The following GDNF variants were observed in gnomAD, a reference collection of about 807,000 sequenced individuals.
The protein encoded by GDNF is glial cell derived neurotrophic factor.
A neutral mutation model predicts 13.7 loss-of-function variants in GDNF; 5 were observed. The observed-to-expected ratio is 0.36, with a 90% CI of 0.19 to 0.77. The LOEUF is 0.77. Among genes scored for constraint, GDNF ranks in the 30% least tolerant of loss-of-function variants. The pLI is 0.51. For synonymous variants in GDNF, 122 were observed against 112.5 expected (o/e 1.08, Z -0.53); for missense variants, 246 against 274.3 (o/e 0.90, Z 0.73).
At chr5:37,824,744 G>A (rs938277900) in intron 2 of GDNF, among the ~76,000 whole-genome samples, 11 of 152,126 alleles carry the variant, frequency 7.2e-5, no homozygotes, top group African/African-American at 1.7e-4. Flanking sequence ...TTGGTAGACC[G>A]TCCTGATCAT....
intron 2 of GDNF, among the ~76,000 whole-genome samples, chr5:37,833,835 A>T (rs1021564290): frequency 2.0e-5 from 3 of 152,176 alleles, no homozygotes; most frequent in African/African-American, 7.2e-5. Flanking sequence ...CTCTCACTTC[A>T]TGCAACAAGC....
At chr5:37,835,404 C>G in intron 1 of GDNF, 1 of 1,399,314 alleles carries the variant, frequency 7.1e-7, no homozygotes, top group Non-Finnish European at 9.3e-7. Context: ...CCCAGCCTGC[C>G]GCCCACACCT....
chr5:37,824,069 A>G (rs1437572643), intron 2 of GDNF: 11 of 981,410 alleles, frequency 1.1e-5, no homozygotes, highest in Admixed American at 6.2e-5. Flanking sequence ...CTCTTAAATC[A>G]TCAAGTCATC....
intron 2 of GDNF, among the ~76,000 whole-genome samples, chr5:37,817,337 G>A (rs1749969267): frequency 6.6e-6 from 1 of 152,126 alleles, no homozygotes; most frequent in Non-Finnish European, 1.5e-5. Context: ...TGGGTAGTAG[G>A]CCTCTTATGC....
At chr5:37,828,494 T>A (rs1397268375) in intron 2 of GDNF, among the ~76,000 whole-genome samples, 1 of 152,242 alleles carries the variant, frequency 6.6e-6, no homozygotes, top group Non-Finnish European at 1.5e-5. Context: ...TTAATTTTCC[T>A]GGAAATCTGT....
chr5:37,833,621 G>A (rs181555436), intron 2 of GDNF, among the ~76,000 whole-genome samples: 145 of 152,188 alleles, frequency 9.5e-4, no homozygotes, highest in Middle Eastern at 3.4e-3. Flanking sequence ...TACTACTGTG[G>A]TTATGACCAT....
Position 37,813,212 on chromosome 5 carries a change from G to A in GDNF, c.*2439C>T, listed in dbSNP as rs955342514. The A allele has an allele frequency of 3.3e-5, 5 of 152,228 alleles. No homozygotes were observed. Among genetic ancestry groups the A allele is most frequent in the African/African-American group, 1.2e-4 (5 of 41,448 alleles). 9.4% of individuals were successfully genotyped at this position (152,228 alleles called of 1,614,324 possible). A position where few individuals can be genotyped will look rare whatever the true frequency, so the allele number is the denominator to read the frequency against. On this transcript the variant is annotated 3_prime_UTR_variant, in exon 3 of 3. Coordinates refer to ENST00000326524, the MANE Select transcript of GDNF (RefSeq NM_000514.4). ...AAGGCCTTTCCTCCATTTCCCAGGC[G>A]AGCAAGGGGAGCAGAAAGGACAGAG...
Position 37,814,605 on chromosome 5 carries a change from C to T in GDNF, c.*1046G>A, listed in dbSNP as rs1749844341. ...TCTTTGCATTTTGCGAGCACATATA[C>T]TTTGGCACCTTTGAAAAGAAACTTT... On this transcript the variant is annotated 3_prime_UTR_variant, in exon 3 of 3. Transcript: ENST00000326524. 6.6e-6 allele frequency: 1 copy of T among 152,140 alleles called. No homozygotes were observed. Among genetic ancestry groups the T allele is most frequent in the African/African-American group, 2.4e-5 (1 of 41,426 alleles). 9.4% of individuals were successfully genotyped at this position (152,140 alleles called of 1,614,324 possible).
chr5:37,822,499 G>A (rs1104682), intron 2 of GDNF, among the ~76,000 whole-genome samples: 18,315 of 152,242 alleles, frequency 0.12, 1,334 homozygotes, highest in East Asian at 0.22. Flanking sequence ...GCAGGATGCT[G>A]AGGATGAGGC....
chr5:37,827,567 T>C (rs1750372469), intron 2 of GDNF, among the ~76,000 whole-genome samples: 1 of 152,178 alleles, frequency 6.6e-6, no homozygotes, highest in Non-Finnish European at 1.5e-5. Flanking sequence ...TATTTCCTCC[T>C]GGCCAGGCCC....
intron 2 of GDNF, among the ~76,000 whole-genome samples, chr5:37,821,275 G>C (rs756134960): frequency 1.2e-4 from 19 of 152,162 alleles, no homozygotes; most frequent in Admixed American, 3.3e-4. Flanking sequence ...TGAGCTGAGG[G>C]AAAAGAAGAG....
intron 2 of GDNF, among the ~76,000 whole-genome samples, chr5:37,826,258 T>G (rs1169783898): frequency 6.6e-5 from 10 of 152,220 alleles, no homozygotes; most frequent in African/African-American, 4.8e-5. Flanking sequence ...CAGTTCCTGG[T>G]CCACAGAAAG....
rs1432699488 is a variant in GDNF, at chr5:37,813,219, G to A, written c.*2432C>T. 1.3e-5 allele frequency: 2 copies of A among 152,214 alleles called. No individual in the cohort carries two copies. Among genetic ancestry groups the A allele is most frequent in the African/African-American group, 4.8e-5 (2 of 41,414 alleles). 9.4% of individuals were successfully genotyped at this position (152,214 alleles called of 1,614,324 possible). On this transcript the variant is annotated 3_prime_UTR_variant, in exon 3 of 3. Coordinates refer to ENST00000326524, the MANE Select transcript of GDNF (RefSeq NM_000514.4). ...TTCCTCCATTTCCCAGGCGAGCAAG[G>A]GGAGCAGAAAGGACAGAGAAGGGCA... is the stretch of plus-strand genomic sequence containing the variant.
chr5:37,831,220 T>A (rs2111705018), intron 2 of GDNF, among the ~76,000 whole-genome samples: 1 of 152,338 alleles, frequency 6.6e-6, no homozygotes, highest in East Asian at 1.9e-4. Flanking sequence ...TCAGCCCACC[T>A]TACTGGACTG....
At chr5:37,824,680 T>C (rs184057118) in intron 2 of GDNF, among the ~76,000 whole-genome samples, 92 of 152,366 alleles carry the variant, frequency 6.0e-4, no homozygotes, top group African/African-American at 2.2e-3. Flanking sequence ...GCATCTTACA[T>C]TATGTAATGA....
Position 37,816,112 on chromosome 5 carries a change from C to A in GDNF, c.175G>T (p.Asp59Tyr), listed in dbSNP as rs1389990693. 5 of 1,613,296 alleles carry A rather than the reference C, an allele frequency of 3.1e-6. No individual in the cohort carries two copies. The highest frequency in any genetic ancestry group is 3.4e-6 in the Non-Finnish European group (4 of 1,179,378). The change falls in exon 3 of 3, where the codon GAT becomes TAT. Residue 59 changes from aspartate to tyrosine, a missense_variant. Asp to Tyr is a radical substitution (Grantham distance 160). Transcript: ENST00000326524. Reference sequence around the variant, plus strand: ...AAATCCATGACATCATCGAACTGATCAGGATAATCCTCTGGCATATTTGCT... The same window carrying A: ...AAATCCATGACATCATCGAACTGATAAGGATAATCCTCTGGCATATTTGCT... ...SDSNMPEDYP[D>Y]QFDDVMDFIQ...
chr5:37,828,026 G>A (rs192950409), intron 2 of GDNF, among the ~76,000 whole-genome samples: 1 of 152,268 alleles, frequency 6.6e-6, no homozygotes, highest in Non-Finnish European at 1.5e-5. Flanking sequence ...TTAAAGTTAT[G>A]CAAAAGTGGG....
In GDNF at chr5:37,837,971, GA is replaced by G. The variant is rs1308756247; in HGVS notation, c.-27+1535del. Reference sequence around the variant, plus strand: ...GAGAAAAAGGAGGCGGTGGGGCGGGGAGACGGGTTTGCTATAAACTCGGTTT... The same window carrying G: ...GAGAAAAAGGAGGCGGTGGGGCGGGGGACGGGTTTGCTATAAACTCGGTTT... On this transcript the variant is annotated intron_variant, in intron 1 of 2. Transcript: ENST00000326524. This position sits in a 1 kb window ranked among gnomAD's most constrained non-coding sequence, Gnocchi z 6.5. Among the ~76,000 whole-genome samples the G allele has an allele frequency of 6.6e-6, 1 of 151,762 alleles. No homozygotes were observed. The highest frequency in any genetic ancestry group is 1.5e-5 in the Non-Finnish European group (1 of 67,988).
chr5:37,819,113 TG>T (rs1223482919), intron 2 of GDNF, among the ~76,000 whole-genome samples: 2 of 152,230 alleles, frequency 1.3e-5, no homozygotes, highest in African/African-American at 4.8e-5. Context: ...CGGTAACTGC[TG>T]GCTGAATGAG....
Sources: allele counts gnomAD v4.1 joint callset (sites outside exome capture counted in the v4.1 genomes callset), GRCh38; gene constraint gnomAD v4.1.1; non-coding constraint Gnocchi (gnomAD v3.1); transcripts MANE v1.5; gene names NCBI Gene and HGNC (gene_info 2026-07-23, HGNC 2026-07-21).